UVRAG: variants seen among roughly 807,000 people sequenced by gnomAD.
UVRAG encodes UV radiation resistance associated, also known as UV radiation resistance-associated gene protein.
In UVRAG, 19 loss-of-function variants were observed where a neutral mutation model predicts 78.0. The observed-to-expected ratio is 0.24, with a 90% CI of 0.17 to 0.36. The LOEUF (loss-of-function observed/expected upper bound fraction) is 0.36, where lower values mean the gene tolerates loss of function less well. Among genes scored for constraint, UVRAG ranks in the 10% least tolerant of loss-of-function variants. The probability of loss-of-function intolerance (pLI) is 1.00; values close to 1 mark genes in which losing one functional copy is unlikely to be tolerated. For missense variants in UVRAG, 740 were observed against 853.8 expected (o/e 0.87, Z 1.66); for synonymous variants, 323 against 324.6 (o/e 1.00, Z 0.05).
intron 14 of UVRAG, among the ~76,000 whole-genome samples, 194 bp downstream of exon 14, chr11:76,116,209 G>A (rs1952178591): frequency 6.6e-6 from 1 of 152,214 alleles, no homozygotes; most frequent in African/African-American, 2.4e-5. Flanking sequence ...TAGCCCCCTT[G>A]GAGGGAGGAG....
chr11:76,073,556 A>G (rs1350969789), intron 13 of UVRAG, among the ~76,000 whole-genome samples: 1 of 152,140 alleles, frequency 6.6e-6, no homozygotes, highest in East Asian at 1.9e-4. Context: ...AACACATGTG[A>G]TTTTTAAATA....
chr11:75,964,685 G>A (rs573318126), intron 7 of UVRAG, among the ~76,000 whole-genome samples: 9 of 152,254 alleles, frequency 5.9e-5, no homozygotes, highest in African/African-American at 2.2e-4. Context: ...GGTGGATCAC[G>A]AGGTCAGGAG....
chr11:75,989,200 G>A (rs922142113), intron 8 of UVRAG, among the ~76,000 whole-genome samples: 14 of 152,124 alleles, frequency 9.2e-5, no homozygotes, highest in African/African-American at 2.9e-4. Context: ...GATTACAGGC[G>A]TGTACCACCA....
At chr11:76,066,023 CT>C (rs950929933) in intron 13 of UVRAG, among the ~76,000 whole-genome samples, 1 of 152,260 alleles carries the variant, frequency 6.6e-6, no homozygotes, top group South Asian at 2.1e-4. Flanking sequence ...AACTCAGAAT[CT>C]TTTTTTGTAT....
intron 11 of UVRAG, among the ~76,000 whole-genome samples, chr11:76,015,530 ACATT>A (rs1950130126): frequency 6.6e-6 from 1 of 152,140 alleles, no homozygotes; most frequent in African/African-American, 2.4e-5. Context: ...AAGGTGTTTA[ACATT>A]GTTAGTGAAT....
At chr11:76,088,157 A>T (rs1270337343) in intron 13 of UVRAG, among the ~76,000 whole-genome samples, 1 of 152,170 alleles carries the variant, frequency 6.6e-6, no homozygotes, top group Non-Finnish European at 1.5e-5. Context: ...ATGGGATTAC[A>T]GGCATGAGCC....
chr11:75,959,029 C>G (rs1948860933), intron 6 of UVRAG, among the ~76,000 whole-genome samples: 1 of 152,150 alleles, frequency 6.6e-6, no homozygotes, highest in African/African-American at 2.4e-5. Context: ...TAAAACCATG[C>G]TGTAAACAGA....
intron 2 of UVRAG, among the ~76,000 whole-genome samples, chr11:75,857,094 A>G (rs1946307592): frequency 6.6e-6 from 1 of 152,174 alleles, no homozygotes; most frequent in Admixed American, 6.5e-5. Context: ...TCATCTTTTA[A>G]CTACATTGTT....
chr11:76,012,035 C>T (rs995196872), intron 11 of UVRAG, among the ~76,000 whole-genome samples: 1 of 151,970 alleles, frequency 6.6e-6, no homozygotes, highest in Admixed American at 6.6e-5. Flanking sequence ...AATATAGTAA[C>T]ATAGGCTGGG....
chr11:76,077,501 C>A (rs1188305690), intron 13 of UVRAG, among the ~76,000 whole-genome samples: 2 of 152,070 alleles, frequency 1.3e-5, no homozygotes, highest in Non-Finnish European at 2.9e-5. Flanking sequence ...AATACAGTGC[C>A]AAAAATATAT....
At chr11:75,880,142 G>C (rs547327165) in intron 4 of UVRAG, 102 bp downstream of exon 4, 4 of 1,335,736 alleles carry the variant, frequency 3.0e-6, no homozygotes, top group Non-Finnish European at 3.1e-6. Flanking sequence ...TATAAAGAGA[G>C]ACTTTTATGA....
chr11:75,891,174 C>A (rs1047268609), intron 5 of UVRAG, among the ~76,000 whole-genome samples: 4 of 152,180 alleles, frequency 2.6e-5, no homozygotes, highest in African/African-American at 9.7e-5. Context: ...CACTTTGCAA[C>A]TAGGCTTGTC....
intron 1 of UVRAG, among the ~76,000 whole-genome samples, chr11:75,831,930 A>T (rs1475515947): frequency 1.3e-5 from 2 of 152,238 alleles, no homozygotes; most frequent in African/African-American, 2.4e-5. Flanking sequence ...TTTTTAAAAA[A>T]GCATTGAATA....
At chr11:76,060,846 C>T (rs1043193726) in intron 12 of UVRAG, among the ~76,000 whole-genome samples, 1 of 152,256 alleles carries the variant, frequency 6.6e-6, no homozygotes, top group Non-Finnish European at 1.5e-5. Context: ...TGAGCCTCCC[C>T]CTCCTCCGTG....
intron 8 of UVRAG, among the ~76,000 whole-genome samples, chr11:75,994,163 G>T (rs1011381469): frequency 1.3e-5 from 2 of 152,204 alleles, no homozygotes; most frequent in Non-Finnish European, 2.9e-5. Context: ...CTTCAGTGGT[G>T]CCTGGGAAGT....
intron 6 of UVRAG, among the ~76,000 whole-genome samples, chr11:75,957,416 TG>T (rs1385861099): frequency 6.6e-6 from 1 of 151,726 alleles, no homozygotes; most frequent in Non-Finnish European, 1.5e-5. Flanking sequence ...CATTGATCTT[TG>T]TTTTTTTTTT....
intron 14 of UVRAG, among the ~76,000 whole-genome samples, chr11:76,122,463 C>T (rs932265954): frequency 1.3e-5 from 2 of 152,166 alleles, no homozygotes; most frequent in Admixed American, 6.5e-5. Flanking sequence ...GGTAATAGTG[C>T]GTACTTAATA....
At chr11:75,893,623 G>A (rs996855648) in intron 5 of UVRAG, among the ~76,000 whole-genome samples, 12 of 146,952 alleles carry the variant, frequency 8.2e-5, no homozygotes, top group African/African-American at 2.8e-4. Context: ...CAAGAGTGAG[G>A]GTAATTTGAG....
At chr11:76,062,674 C>T (rs1951116701) in intron 12 of UVRAG, among the ~76,000 whole-genome samples, 1 of 152,138 alleles carries the variant, frequency 6.6e-6, no homozygotes, top group Admixed American at 6.6e-5. Flanking sequence ...AGAGAGAATA[C>T]TGGATTTATT....
Sources: allele counts gnomAD v4.1 joint callset (sites outside exome capture counted in the v4.1 genomes callset), GRCh38; gene constraint gnomAD v4.1.1; transcripts MANE v1.5; gene names NCBI Gene and HGNC (gene_info 2026-07-23, HGNC 2026-07-21).